The following UVRAG variants were observed in gnomAD, a reference collection of about 807,000 sequenced individuals.
UVRAG encodes the protein UV radiation resistance-associated gene protein.
UVRAG carries 19 observed loss-of-function variants against 78.0 expected under a neutral mutation model. That is an observed-to-expected ratio of 0.24 (90% CI 0.17 to 0.36). The LOEUF is 0.36. Ranked by LOEUF, UVRAG falls within the 10% of genes least tolerant of loss-of-function variation. The pLI, the probability that UVRAG is intolerant of heterozygous loss-of-function variation, is 1.00. For missense variants in UVRAG, 740 were observed against 853.8 expected (o/e 0.87, Z 1.66); for synonymous variants, 323 against 324.6 (o/e 1.00, Z 0.05).
At chr11:76,054,285 C>T (rs1950936312) in intron 12 of UVRAG, among the ~76,000 whole-genome samples, 1 of 152,178 alleles carries the variant, frequency 6.6e-6, no homozygotes, top group African/African-American at 2.4e-5. Flanking sequence ...GCTCTGTCTT[C>T]AAAATGAGAG....
At chr11:76,029,169 G>A (rs1175266540) in intron 12 of UVRAG, among the ~76,000 whole-genome samples, 4 of 152,070 alleles carry the variant, frequency 2.6e-5, no homozygotes, top group Non-Finnish European at 5.9e-5. Flanking sequence ...TTACAACATG[G>A]TTTATTGAAT....
At chr11:75,891,374 T>C (rs1378345677) in intron 5 of UVRAG, among the ~76,000 whole-genome samples, 1 of 152,230 alleles carries the variant, frequency 6.6e-6, no homozygotes, top group African/African-American at 2.4e-5. Flanking sequence ...GCTGTTCTAA[T>C]ACTGTTGCAA....
chr11:75,831,224 C>G (rs928002261), intron 1 of UVRAG, among the ~76,000 whole-genome samples: 2 of 152,164 alleles, frequency 1.3e-5, no homozygotes, highest in African/African-American at 4.8e-5. Context: ...AACGGTGGCT[C>G]ACACCTGTAA....
At chr11:75,997,094 A>T (rs1222312280) in intron 8 of UVRAG, among the ~76,000 whole-genome samples, 1 of 152,262 alleles carries the variant, frequency 6.6e-6, no homozygotes. Flanking sequence ...CAAAAGTTAC[A>T]GCAAGAAATA....
chr11:75,934,941 A>G (rs1409437713), intron 6 of UVRAG: 1 of 152,240 alleles, frequency 6.6e-6, no homozygotes, highest in South Asian at 2.1e-4. Context: ...CAGTCTGTGC[A>G]TATCATCCTG....
At chr11:75,819,507 C>G (rs569681774) in intron 1 of UVRAG, among the ~76,000 whole-genome samples, 1 of 152,134 alleles carries the variant, frequency 6.6e-6, no homozygotes, top group East Asian at 2.0e-4. Flanking sequence ...CCACCATGCC[C>G]AGCTAATTTT....
intron 9 of UVRAG, among the ~76,000 whole-genome samples, chr11:76,004,894 C>A (rs569916934): frequency 1.3e-5 from 2 of 152,220 alleles, no homozygotes. Flanking sequence ...TCCCAACATT[C>A]GTTTAACAAA....
chr11:76,044,999 C>G (rs1565134770), intron 12 of UVRAG, among the ~76,000 whole-genome samples: 2 of 152,096 alleles, frequency 1.3e-5, no homozygotes, highest in African/African-American at 4.8e-5. Context: ...TCCAGAAAGT[C>G]TCAGAATTGG....
intron 6 of UVRAG, among the ~76,000 whole-genome samples, chr11:75,948,500 G>A (rs575993958): frequency 6.6e-6 from 1 of 152,160 alleles, no homozygotes; most frequent in Non-Finnish European, 1.5e-5. Flanking sequence ...ATAATGTGAT[G>A]TCAGTTCTGG....
intron 7 of UVRAG, among the ~76,000 whole-genome samples, chr11:75,962,487 G>A (rs1948928075): frequency 6.6e-6 from 1 of 152,152 alleles, no homozygotes; most frequent in Non-Finnish European, 1.5e-5. Context: ...AGTTCAAACT[G>A]TATACAGTTG....
At position 76,004,603 on chromosome 11, in the gene UVRAG, T is replaced by TTTCATTCA. The variant is rs10553590; in HGVS notation, c.911+548_911+555dup. Among the ~76,000 whole-genome samples, 363 of 147,996 alleles carry TTTCATTCA rather than the reference T, an allele frequency of 2.5e-3. 2 individuals carry two copies. Among genetic ancestry groups the TTTCATTCA allele is most frequent in the African/African-American group, 7.3e-3 (291 of 39,906 alleles). On this transcript the variant is annotated intron_variant, in intron 9 of 14. Coordinates refer to ENST00000356136, the MANE Select transcript of UVRAG (RefSeq NM_003369.4). ...CTTCTTTTTTTAATGTGGAGAAACA[T>TTTCATTCA]TTCATTCATTCATTCATTCATTCAT...
chr11:76,113,980 C>G (rs1012733337), intron 13 of UVRAG, among the ~76,000 whole-genome samples: 2 of 152,044 alleles, frequency 1.3e-5, no homozygotes, highest in Admixed American at 6.5e-5. Flanking sequence ...TCTCTGAAAA[C>G]AGTTCAACAC....
chr11:76,083,935 G>T (rs1951541749), intron 13 of UVRAG, among the ~76,000 whole-genome samples: 1 of 152,184 alleles, frequency 6.6e-6, no homozygotes, highest in Non-Finnish European at 1.5e-5. Context: ...GAAGCCTGTG[G>T]CCCAGCTATC....
chr11:76,073,718 A>G (rs758649852), intron 13 of UVRAG, among the ~76,000 whole-genome samples: 3 of 152,226 alleles, frequency 2.0e-5, no homozygotes, highest in Non-Finnish European at 4.4e-5. Context: ...GTAAAAGAGT[A>G]TGAAAACTTT....
chr11:75,896,093 G>T (rs963408573), intron 5 of UVRAG, among the ~76,000 whole-genome samples: 1 of 152,220 alleles, frequency 6.6e-6, no homozygotes, highest in African/African-American at 2.4e-5. Flanking sequence ...GATAATGCAG[G>T]TAAGTTATAG....
At chr11:75,859,837 G>A (rs1220455290) in intron 2 of UVRAG, among the ~76,000 whole-genome samples, 1 of 152,142 alleles carries the variant, frequency 6.6e-6, no homozygotes, top group African/African-American at 2.4e-5. Flanking sequence ...TTTCCAAATT[G>A]TATGGCTCCT....
intron 13 of UVRAG, among the ~76,000 whole-genome samples, chr11:76,086,758 T>C (rs1023041120): frequency 2.0e-5 from 3 of 152,186 alleles, no homozygotes; most frequent in Non-Finnish European, 2.9e-5. Flanking sequence ...TCTGAACTTA[T>C]TTTTCCCAAA....
rs61611526 is a variant in UVRAG, at chr11:75,949,738, C to CAT, written c.594-11696_594-11695dup. ...ATACACACACACACACACATATACA[C>CAT]ATATATATATACACACATATGTATA... is the stretch of plus-strand genomic sequence containing the variant. On this transcript the variant is annotated intron_variant, in intron 6 of 14. Transcript: ENST00000356136. Among the ~76,000 whole-genome samples the CAT allele has an allele frequency of 1.7e-4, 25 of 148,428 alleles. No homozygotes were observed. The East Asian group carries it at 2.0e-3, about 12-fold the overall frequency.
At chr11:76,110,297 A>G in intron 13 of UVRAG, among the ~76,000 whole-genome samples, 1 of 151,506 alleles carries the variant, frequency 6.6e-6, no homozygotes, top group South Asian at 2.1e-4. Context: ...TATTTTGGAT[A>G]GTCTATATAC....
Sources: gnomAD v4.1 joint callset for allele counts (sites outside exome capture counted in the v4.1 genomes callset) on GRCh38, gnomAD v4.1.1 for gene constraint, MANE v1.5 for transcripts, NCBI Gene and HGNC (gene_info 2026-07-23, HGNC 2026-07-21) for gene names.